The following PARD3 variants were observed in gnomAD, a reference collection of about 807,000 sequenced individuals.
PARD3 encodes the protein partitioning defective 3 homolog.
In PARD3, 75 loss-of-function variants were observed where a neutral mutation model predicts 155.4. The observed-to-expected ratio is 0.48, with a 90% CI of 0.40 to 0.58. PARD3 has a LOEUF of 0.58. Among genes scored for constraint, PARD3 ranks in the 20% least tolerant of loss-of-function variants. PARD3 has a pLI of 0.00. For missense variants in PARD3, 1,642 were observed against 1,721.7 expected (o/e 0.95, Z 0.82); for synonymous variants, 576 against 610.5 (o/e 0.94, Z 0.83).
intron 2 of PARD3, among the ~76,000 whole-genome samples, chr10:34,636,113 GGAA>G (rs1388051825): frequency 3.9e-5 from 6 of 152,086 alleles, no homozygotes; most frequent in East Asian, 1.9e-4. Context: ...GAAGGAAGAA[GGAA>G]GAAGAAGAAG....
At chr10:34,635,630 T>C (rs1034508007) in intron 2 of PARD3, among the ~76,000 whole-genome samples, 29 of 152,198 alleles carry the variant, frequency 1.9e-4, no homozygotes, top group African/African-American at 6.0e-4. Flanking sequence ...TTCCTTGAGG[T>C]TGGTCAACTG....
intron 1 of PARD3, among the ~76,000 whole-genome samples, chr10:34,712,950 T>C (rs1202892459): frequency 2.0e-5 from 3 of 152,196 alleles, no homozygotes; most frequent in Non-Finnish European, 4.4e-5. Flanking sequence ...GGCTCATGCC[T>C]GTAATCACAG....
chr10:34,483,902 T>A (rs1437107466), intron 3 of PARD3, among the ~76,000 whole-genome samples: 1 of 152,166 alleles, frequency 6.6e-6, no homozygotes, highest in Admixed American at 6.5e-5. Context: ...TATAAAGACA[T>A]CTTAATTAAT....
At chr10:34,351,245 A>C (rs1024949991) in intron 14 of PARD3, among the ~76,000 whole-genome samples, 4 of 141,570 alleles carry the variant, frequency 2.8e-5, no homozygotes, top group African/African-American at 9.7e-5. Context: ...ATTATTCAAT[A>C]TTTCAGTTTT....
At chr10:34,116,516 T>C (rs1358281426) in intron 24 of PARD3, among the ~76,000 whole-genome samples, 1 of 152,178 alleles carries the variant, frequency 6.6e-6, no homozygotes, top group African/African-American at 2.4e-5. Flanking sequence ...TTGCTTTCTT[T>C]CCCTTCCCTC....
At chr10:34,279,331 C>T (rs73254626) in intron 21 of PARD3, among the ~76,000 whole-genome samples, 145 of 151,526 alleles carry the variant, frequency 9.6e-4, no homozygotes, top group African/African-American at 3.2e-3. Flanking sequence ...AAGTATTTAT[C>T]GAAATAGTTA....
chr10:34,707,244 CAAAAAAAA>C (rs774551239), intron 1 of PARD3, among the ~76,000 whole-genome samples: 5 of 102,886 alleles, frequency 4.9e-5, no homozygotes, highest in African/African-American at 1.8e-4. Context: ...GACCCTGTCT[CAAAAAAAA>C]AAAAAGAAAA....
chr10:34,432,528 G>C (rs1465662728), intron 5 of PARD3, among the ~76,000 whole-genome samples: 1 of 152,080 alleles, frequency 6.6e-6, no homozygotes, highest in Non-Finnish European at 1.5e-5. Flanking sequence ...AATTTTCTGG[G>C]CGTAGGAAAC....
intron 19 of PARD3, among the ~76,000 whole-genome samples, chr10:34,324,870 G>C (rs972783302): frequency 6.6e-6 from 1 of 152,102 alleles, no homozygotes; most frequent in East Asian, 1.9e-4. Flanking sequence ...CTGGATGATT[G>C]TACTACTATC....
At chr10:34,670,186 C>T (rs1326727363) in intron 2 of PARD3, among the ~76,000 whole-genome samples, 1 of 152,220 alleles carries the variant, frequency 6.6e-6, no homozygotes, top group Non-Finnish European at 1.5e-5. Flanking sequence ...CGGCTAGCCT[C>T]CCAACTCCAT....
chr10:34,528,055 A>T (rs1336958096), intron 2 of PARD3, among the ~76,000 whole-genome samples: 1 of 152,234 alleles, frequency 6.6e-6, no homozygotes, highest in Non-Finnish European at 1.5e-5. Context: ...TAACCTGTTT[A>T]GCAATGTTTT....
intron 15 of PARD3, chr10:34,344,708 A>C (rs1235662679): frequency 3.0e-6 from 3 of 985,304 alleles, no homozygotes; most frequent in South Asian, 9.4e-5. Context: ...AATGTCCAGG[A>C]CTATTACAAA....
In PARD3 at chr10:34,742,982, G is replaced by A. The variant is rs117368234; in HGVS notation, c.121-46563C>T. ...TACCACTCAGCCATTTATTAATATC[G>A]CCAAGCCTCAATGTCCTTTTGTAAG... On this transcript the variant is annotated intron_variant, in intron 1 of 24. Transcript: ENST00000374788. Among the ~76,000 whole-genome samples, 1,335 of 152,236 alleles carry A rather than the reference G, an allele frequency of 8.8e-3. 10 individuals are homozygous for A. Among genetic ancestry groups the A allele is most frequent in the Non-Finnish European group, 0.015 (1,000 of 68,018 alleles).
At chr10:34,801,547 A>T (rs10508814) in intron 1 of PARD3, among the ~76,000 whole-genome samples, 2,273 of 152,254 alleles carry the variant, frequency 0.015, 43 homozygotes, top group African/African-American at 0.051. Flanking sequence ...CCAGAATGTG[A>T]ATGAGCCTTC....
intron 1 of PARD3, among the ~76,000 whole-genome samples, chr10:34,792,329 C>T (rs1334845220): frequency 1.3e-5 from 2 of 152,272 alleles, no homozygotes; most frequent in Admixed American, 6.5e-5. Flanking sequence ...AAGCGACGCG[C>T]CTGCCTCAGC....
At chr10:34,419,270 C>A (rs535364892) in intron 5 of PARD3, among the ~76,000 whole-genome samples, 3 of 152,252 alleles carry the variant, frequency 2.0e-5, no homozygotes, top group South Asian at 2.1e-4. Flanking sequence ...GTAATCCCAG[C>A]ACTTTGGTAA....
At chr10:34,722,301 AC>A (rs2094621341) in intron 1 of PARD3, among the ~76,000 whole-genome samples, 1 of 152,200 alleles carries the variant, frequency 6.6e-6, no homozygotes, top group Admixed American at 6.5e-5. Flanking sequence ...CTAAACAGTA[AC>A]AAATAAGATT....
At chr10:34,591,939 T>C (rs1323390143) in intron 2 of PARD3, among the ~76,000 whole-genome samples, 1 of 152,132 alleles carries the variant, frequency 6.6e-6, no homozygotes, top group African/African-American at 2.4e-5. Flanking sequence ...CGATGGATGG[T>C]AACAGCAGAA....
intron 22 of PARD3, among the ~76,000 whole-genome samples, chr10:34,190,698 T>C (rs1950666260): frequency 1.3e-5 from 2 of 152,256 alleles, no homozygotes; most frequent in South Asian, 2.1e-4. Context: ...TTCAGTGTAC[T>C]GCATGATAAA....
Sources: gnomAD v4.1 joint callset for allele counts (sites outside exome capture counted in the v4.1 genomes callset) on GRCh38, gnomAD v4.1.1 for gene constraint, MANE v1.5 for transcripts, NCBI Gene and HGNC (gene_info 2026-07-23, HGNC 2026-07-21) for gene names.